The following PLEKHA6 variants were observed in gnomAD, a reference collection of about 807,000 sequenced individuals.
PLEKHA6 encodes pleckstrin homology domain containing A6.
Under a neutral mutation model 116.7 loss-of-function variants are expected in PLEKHA6, and 60 were observed. That is an observed-to-expected ratio of 0.51 (90% CI 0.42 to 0.64). The LOEUF (loss-of-function observed/expected upper bound fraction) is 0.64. Among genes scored for constraint, PLEKHA6 ranks in the 30% least tolerant of loss-of-function variants. PLEKHA6 has a pLI of 0.00. For synonymous variants in PLEKHA6, 489 were observed against 556.1 expected, an observed-to-expected ratio of 0.88 and a Z score of 1.70; for missense variants, 1,338 against 1,422.7, an observed-to-expected ratio of 0.94 and a Z score of 0.96.
rs1357122689 is a variant in PLEKHA6 at position 204,229,160 on chromosome 1, C to T, written c.2584-56G>A. On this transcript the variant is annotated intron_variant, in intron 18 of 22. Coordinates refer to ENST00000272203, the MANE Select transcript of PLEKHA6 (RefSeq NM_014935.5). Reference sequence around the variant, plus strand: ...TGGCTACCCATGCCTCCAGGCAGCTCTAGCTATGCCCTGTCCTCGCTTTCC... The same window carrying T: ...TGGCTACCCATGCCTCCAGGCAGCTTTAGCTATGCCCTGTCCTCGCTTTCC... The T allele has an allele frequency of 1.9e-6, 3 of 1,556,240 alleles. No individual in the cohort carries two copies. In the East Asian group the frequency reaches 6.8e-5, roughly 35 times the overall value.
chr1:204,253,688 G>T (rs1664868243), intron 9 of PLEKHA6, among the ~76,000 whole-genome samples: 1 of 152,012 alleles, frequency 6.6e-6, no homozygotes, highest in South Asian at 2.1e-4. Flanking sequence ...AATTAGCCAG[G>T]TGTGGTGGCT....
intron 1 of PLEKHA6, among the ~76,000 whole-genome samples, chr1:204,328,420 G>A (rs1448151502): frequency 6.9e-6 from 1 of 145,376 alleles, no homozygotes; most frequent in Non-Finnish European, 1.5e-5. Context: ...TTTTTAGACA[G>A]AGTTTCGCTC....
At chr1:204,268,354 T>TTTA in intron 3 of PLEKHA6, 42 bp from the exon 4 acceptor site, 2 of 1,420,410 alleles carry the variant, frequency 1.4e-6, no homozygotes, top group East Asian at 4.8e-5. Context: ...CCCAGTCTCC[T>TTTA]CCTTCCTGCT....
At chr1:204,324,116 T>C (rs1398185502) in intron 1 of PLEKHA6, among the ~76,000 whole-genome samples, 1 of 152,080 alleles carries the variant, frequency 6.6e-6, no homozygotes, top group Non-Finnish European at 1.5e-5. Flanking sequence ...TATGATGAAG[T>C]GCAGTAAAAG....
In PLEKHA6 at chr1:204,244,878, G is replaced by T; in HGVS notation, c.2158C>A (p.Pro720Thr). The T allele has an allele frequency of 6.4e-7, 1 of 1,563,232 alleles. No individual in the cohort carries two copies. The highest frequency in any genetic ancestry group is 8.7e-7 in the Non-Finnish European group (1 of 1,153,050). ...TCTCAACTTACCTCGTTGGAGCCAG[G>T]CTTGGTGGGGGACCCCTGAGAGCCC... Reference protein sequence around the residue: ...VSGSQGSPTKPGSNEPKANYE... With the variant: ...VSGSQGSPTKTGSNEPKANYE... The change falls in exon 15 of 23, where the codon CCT becomes ACT. Residue 720 changes from proline to threonine, a missense_variant. By Grantham distance (38) the Pro-to-Thr change is conservative. Transcript: ENST00000272203.
chr1:204,260,477 CA>C lies in PLEKHA6; in HGVS notation c.525-738del, dbSNP rs562744703. On this transcript the variant is annotated intron_variant, in intron 7 of 22. Transcript: ENST00000272203. ...CTAGCACCCACTACAGTGCCTTGCA[CA>C]TTTATATTTACAGTAAGTATTTGTG... is the stretch of plus-strand genomic sequence containing the variant. Among the ~76,000 whole-genome samples the C allele has an allele frequency of 7.2e-5, 11 of 152,344 alleles. No individual in the cohort carries two copies. In the East Asian group the frequency reaches 2.1e-3, roughly 29 times the overall value.
At chr1:204,249,724 A>G (rs12040324) in intron 10 of PLEKHA6, among the ~76,000 whole-genome samples, 103,784 of 151,898 alleles carry the variant, frequency 0.68, 35,696 homozygotes, top group East Asian at 0.82. Flanking sequence ...CTCCCTTCAA[A>G]GTCTCAGGAT....
rs113698143 is a variant in PLEKHA6, at chr1:204,248,044, G to C, written c.1825-584C>G. Among the ~76,000 whole-genome samples the C allele has an allele frequency of 1.2e-3, 187 of 152,112 alleles. 1 individual carries two copies. The highest frequency in any genetic ancestry group is 4.1e-3 in the African/African-American group (170 of 41,484). ...GAGGTTAGAGAGCTTCCTCCTTTCC[G>C]AGCCACACTTTCACGGGGCTTTTTC... On this transcript the variant is annotated intron_variant, in intron 12 of 22. Transcript: ENST00000272203.
chr1:204,288,911 C>G (rs1452529136), intron 1 of PLEKHA6, among the ~76,000 whole-genome samples: 1 of 152,148 alleles, frequency 6.6e-6, no homozygotes, highest in East Asian at 1.9e-4. Context: ...TTCAAAGTTG[C>G]AGAAATTATT....
intron 5 of PLEKHA6, among the ~76,000 whole-genome samples, chr1:204,266,795 C>T (rs1421747230): frequency 6.6e-6 from 1 of 152,192 alleles, no homozygotes; most frequent in Non-Finnish European, 1.5e-5. Context: ...ACCCTCTCTC[C>T]TCTCATCCCT....
At chr1:204,317,277 G>A (rs1380404426) in intron 1 of PLEKHA6, 4 of 838,198 alleles carry the variant, frequency 4.8e-6, no homozygotes, top group Admixed American at 6.3e-5. Flanking sequence ...GCTCCAGGCA[G>A]GGGCTCCAGT....
chr1:204,345,755 C>T (rs1330200597), intron 1 of PLEKHA6, among the ~76,000 whole-genome samples: 1 of 152,182 alleles, frequency 6.6e-6, no homozygotes, highest in East Asian at 1.9e-4. Context: ...CTCCCCCTGA[C>T]CCCAGAGCAG....
intron 1 of PLEKHA6, among the ~76,000 whole-genome samples, chr1:204,316,831 C>T (rs1243385346): frequency 6.6e-6 from 1 of 152,310 alleles, no homozygotes; most frequent in Non-Finnish European, 1.5e-5. Context: ...TTAGGATATC[C>T]CAGGGTGGGA....
In PLEKHA6 at chr1:204,228,268, G is replaced by C; in HGVS notation, c.2886-40C>G. ...ACACACAGAAATGGAGGGAGGGACA[G>C]GATGGTCCAAGTGGCTTGAGGGGGC... On this transcript the variant is annotated intron_variant, in intron 20 of 22. Coordinates refer to ENST00000272203, the MANE Select transcript of PLEKHA6 (RefSeq NM_014935.5). The surrounding 1 kb of genome is among the most constrained non-coding windows in gnomAD (Gnocchi z 4.0). The C allele has an allele frequency of 6.4e-7, 1 of 1,554,872 alleles. No homozygotes were observed. Among genetic ancestry groups the C allele is most frequent in the Non-Finnish European group, 8.7e-7 (1 of 1,145,476 alleles).
chr1:204,250,768 T>A (rs1189542062), intron 9 of PLEKHA6, among the ~76,000 whole-genome samples, 154 bp from the exon 10 acceptor site: 2 of 152,134 alleles, frequency 1.3e-5, no homozygotes, highest in Non-Finnish European at 2.9e-5. Context: ...TCATTCCACA[T>A]CCCCTGGCTG....
chr1:204,296,024 G>A (rs1485472225), intron 1 of PLEKHA6, among the ~76,000 whole-genome samples: 6 of 152,186 alleles, frequency 3.9e-5, no homozygotes, highest in Admixed American at 6.5e-5. Flanking sequence ...GCTTCATGAC[G>A]TGCAGGCAGG....
At chr1:204,355,734 C>T (rs1572226172) in intron 1 of PLEKHA6, among the ~76,000 whole-genome samples, 1 of 152,190 alleles carries the variant, frequency 6.6e-6, no homozygotes, top group African/African-American at 2.4e-5. Flanking sequence ...GCCACTATTC[C>T]TGGCCAACTG....
intron 1 of PLEKHA6, among the ~76,000 whole-genome samples, chr1:204,295,540 A>G (rs1418661470): frequency 2.6e-5 from 4 of 151,858 alleles, no homozygotes; most frequent in Non-Finnish European, 1.5e-5. Flanking sequence ...TTATGCTGCT[A>G]TCCAGCTGCA....
At chr1:204,296,583 C>T (rs568088589) in intron 1 of PLEKHA6, among the ~76,000 whole-genome samples, 1 of 152,258 alleles carries the variant, frequency 6.6e-6, no homozygotes, top group East Asian at 1.9e-4. Flanking sequence ...AACCACAGCT[C>T]CCCCCAGCTG....
Sources: gnomAD v4.1 joint callset for allele counts (sites outside exome capture counted in the v4.1 genomes callset) on GRCh38, gnomAD v4.1.1 for gene constraint, Gnocchi (gnomAD v3.1) non-coding constraint, MANE v1.5 for transcripts, NCBI Gene and HGNC (gene_info 2026-07-23, HGNC 2026-07-21) for gene names.